GPHN: variants seen among roughly 807,000 people sequenced by gnomAD.
GPHN encodes the protein gephyrin.
GPHN carries 17 observed loss-of-function variants against 95.5 expected under a neutral mutation model. That is an observed-to-expected ratio of 0.18 (90% CI 0.12 to 0.27). The LOEUF (loss-of-function observed/expected upper bound fraction) is 0.27. Among genes scored for constraint, GPHN ranks in the 10% least tolerant of loss-of-function variants. The pLI is 1.00. For synonymous variants in GPHN, 320 were observed against 322.5 expected (o/e 0.99, Z 0.08); for missense variants, 660 against 978.1 (o/e 0.67, Z 4.34).
At chr14:67,603,678 G>C in the GPHN span, among the ~76,000 whole-genome samples, 1 of 152,050 alleles carries the variant, frequency 6.6e-6, no homozygotes, top group African/African-American at 2.4e-5. Flanking sequence ...ACTGCTTTGT[G>C]GGTTGTTTGT....
At chr14:67,129,537 A>G (rs541698250) in intron 17 of GPHN, among the ~76,000 whole-genome samples, 21 of 152,324 alleles carry the variant, frequency 1.4e-4, no homozygotes, top group East Asian at 1.9e-4. Context: ...CTATTTTGCA[A>G]TTGCTCAAAT....
the GPHN span, among the ~76,000 whole-genome samples, chr14:67,381,384 C>T: frequency 1.1e-3 from 161 of 152,256 alleles, 1 homozygote; most frequent in Non-Finnish European, 4.1e-4. Context: ...AATTTCTAAA[C>T]CGTTTTAGAT....
the GPHN span, among the ~76,000 whole-genome samples, chr14:67,493,603 G>A: frequency 6.6e-6 from 1 of 152,168 alleles, no homozygotes; most frequent in Non-Finnish European, 1.5e-5. Flanking sequence ...AACACTGAGG[G>A]TCAGTGTGCT....
At chr14:66,839,930 A>T (rs1282380498) in intron 4 of GPHN, among the ~76,000 whole-genome samples, 1 of 152,130 alleles carries the variant, frequency 6.6e-6, no homozygotes, top group East Asian at 1.9e-4. Flanking sequence ...AGATGAATGA[A>T]TATCACCCTC....
chr14:67,655,028 CAAAAAA>C, the GPHN span, among the ~76,000 whole-genome samples: 2 of 43,478 alleles, frequency 4.6e-5, no homozygotes, highest in South Asian at 1.0e-3. Context: ...GACTCCATCT[CAAAAAA>C]AAAAAAAAAA....
chr14:67,729,237 T>A, the GPHN span: 6 of 1,611,028 alleles, frequency 3.7e-6, no homozygotes, highest in East Asian at 2.2e-5. Context: ...TCGTCCGCTC[T>A]GAGCTGGTCC....
intron 13 of GPHN, among the ~76,000 whole-genome samples, chr14:67,108,470 G>A (rs557155727): frequency 3.3e-5 from 5 of 152,234 alleles, no homozygotes; most frequent in Non-Finnish European, 4.4e-5. Context: ...GATCTGGAGA[G>A]GCAAACAGAA....
chr14:67,170,334 A>G (rs57761256), intron 21 of GPHN, among the ~76,000 whole-genome samples: 1 of 152,236 alleles, frequency 6.6e-6, no homozygotes, highest in Non-Finnish European at 1.5e-5. Flanking sequence ...ATCCATGAAC[A>G]AAAAGTATTC....
the GPHN span, chr14:67,196,938 T>C: frequency 6.6e-6 from 1 of 152,196 alleles, no homozygotes; most frequent in African/African-American, 2.4e-5. Flanking sequence ...GTGCTTTTTT[T>C]TTCTTTTTGA....
intron 1 of GPHN, among the ~76,000 whole-genome samples, chr14:66,563,865 G>A (rs2060360572): frequency 6.6e-6 from 1 of 151,976 alleles, no homozygotes; most frequent in African/African-American, 2.4e-5. Context: ...TTCTAGTCTG[G>A]CTTTTCTTGC....
the GPHN span, chr14:67,579,782 T>C: frequency 6.7e-4 from 1,086 of 1,612,442 alleles, 1 homozygote; most frequent in Admixed American, 1.5e-3. Context: ...AACCAGGAGA[T>C]AGGCATGAGA....
chr14:66,547,684 G>A (rs112786675), intron 1 of GPHN, among the ~76,000 whole-genome samples: 25 of 152,274 alleles, frequency 1.6e-4, no homozygotes, highest in Non-Finnish European at 2.5e-4. Flanking sequence ...GTATCAGTTC[G>A]TCTTAACAGA....
intron 12 of GPHN, among the ~76,000 whole-genome samples, chr14:67,091,224 T>C (rs546569943): frequency 1.4e-4 from 21 of 152,058 alleles, no homozygotes; most frequent in African/African-American, 4.1e-4. Flanking sequence ...ATTAGAATAC[T>C]TCTGAAATTG....
At chr14:66,560,266 A>G (rs546683190) in intron 1 of GPHN, among the ~76,000 whole-genome samples, 2 of 152,214 alleles carry the variant, frequency 1.3e-5, no homozygotes, top group Admixed American at 6.5e-5. Context: ...GTTTTTTCCA[A>G]TTCTGTGAAG....
chr14:67,575,536 C>G, the GPHN span: 1 of 1,048,080 alleles, frequency 9.5e-7, no homozygotes, highest in Non-Finnish European at 1.5e-6. Context: ...GACTGCCACT[C>G]TATGTCCTGA....
chr14:67,377,923 C>A, the GPHN span, among the ~76,000 whole-genome samples: 4 of 150,882 alleles, frequency 2.7e-5, no homozygotes, highest in East Asian at 7.8e-4. Context: ...TCCTGGGCAG[C>A]ATAGCAAGAC....
At chr14:67,571,517 G>A in the GPHN span, 2 of 453,708 alleles carry the variant, frequency 4.4e-6, no homozygotes, top group South Asian at 8.0e-5. Flanking sequence ...GTCGTGATGG[G>A]CAGCTGCTTT....
chr14:66,541,780 A>G (rs978805564), intron 1 of GPHN, among the ~76,000 whole-genome samples: 1 of 152,218 alleles, frequency 6.6e-6, no homozygotes, highest in Non-Finnish European at 1.5e-5. Flanking sequence ...TTTGGAGGTT[A>G]GTATGCCGAT....
the GPHN span, among the ~76,000 whole-genome samples, chr14:67,553,084 TC>T: frequency 1.3e-5 from 2 of 152,090 alleles, no homozygotes; most frequent in Non-Finnish European, 2.9e-5. Flanking sequence ...TATCCTTTAC[TC>T]CACCTTGGTC....
Sources: allele counts gnomAD v4.1 joint callset (sites outside exome capture counted in the v4.1 genomes callset), GRCh38; gene constraint gnomAD v4.1.1; transcripts MANE v1.5; gene names NCBI Gene and HGNC (gene_info 2026-07-23, HGNC 2026-07-21).